Variants in TSPYL2 observed in about 807,000 individuals in gnomAD.
The protein encoded by TSPYL2 is TSPY like 2, also known as testis-specific Y-encoded-like protein 2.
TSPYL2 carries 9 observed loss-of-function variants against 33.0 expected under a neutral mutation model. That is an observed-to-expected ratio of 0.27 (90% confidence interval 0.16 to 0.48). The LOEUF (loss-of-function observed/expected upper bound fraction) is 0.48. Ranked by LOEUF, TSPYL2 falls within the 20% of genes least tolerant of loss-of-function variation. The pLI is 0.99. For synonymous variants in TSPYL2, 330 were observed against 233.6 expected (o/e 1.41, Z -3.77); for missense variants, 636 against 586.2 (o/e 1.08, Z -0.88).
In TSPYL2 at chrX:53,084,742, C is replaced by G. The variant is rs373640720; in HGVS notation, c.886-13C>G. 1.4e-4 allele frequency: 163 copies of G among 1,197,353 alleles called. No individual in the cohort carries two copies. Among genetic ancestry groups the G allele is most frequent in the Admixed American group, 2.4e-4 (11 of 45,446 alleles). ...GGGGGGACAGATTCCACCATCACCC[C>G]CACCTGGAGCAGGTACAGGATCTCA... On this transcript the variant is annotated splice_polypyrimidine_tract_variant and intron_variant, in intron 2 of 6. Transcript: ENST00000375442.
In TSPYL2 at chrX:53,087,658, AGTT is replaced by A; in HGVS notation, c.1919-115_1919-113del. The A allele has an allele frequency of 7.9e-6, 6 of 763,876 alleles. No individual in the cohort carries two copies. In the South Asian group the frequency reaches 1.1e-4, roughly 14 times the overall value. The allele number at this position is 763,876 out of a possible 1,213,427, so 63.0% of individuals were successfully genotyped here. On this transcript the variant is annotated intron_variant, in intron 6 of 6. Transcript: ENST00000375442. ...TTTGTTCCAAGCAGAGGCGCTGACA[AGTT>A]GTCCCAGGCCGCTAAAAACCCTGGC...
intron 6 of TSPYL2, 184 bp downstream of exon 6, chrX:53,086,494 C>A (rs1932767360): frequency 1.3e-5 from 6 of 467,617 alleles, no homozygotes; most frequent in Middle Eastern, 7.0e-4. Flanking sequence ...AACAAAACCC[C>A]AAAAAATCAT....
In TSPYL2 at chrX:53,086,326, C is replaced by CCG. The variant is rs782793051; in HGVS notation, c.1918+17_1918+18insGC. 2.6e-6 allele frequency: 3 copies of CCG among 1,150,840 alleles called. No homozygotes were observed. The highest frequency in any genetic ancestry group is 3.6e-5 in the South Asian group (2 of 55,083). 94.8% of individuals were successfully genotyped at this position (1,150,840 alleles called of 1,213,427 possible). On this transcript the variant is annotated intron_variant, in intron 6 of 6. Transcript: ENST00000375442. Reference sequence around the variant, plus strand: ...ATTGAGGAAGGTGAGCTAATCCCCCCCCACCCTTGTCTTCCCTCTTTTCTT... The same window carrying CCG: ...ATTGAGGAAGGTGAGCTAATCCCCCCCGCCACCCTTGTCTTCCCTCTTTTCTT...
At position 53,083,266 on chromosome X, in the gene TSPYL2, C is replaced by T. The variant is rs1343252351; in HGVS notation, c.768C>T (p.Asp256=). 4.1e-6 allele frequency: 5 copies of T among 1,208,004 alleles called. No homozygotes were observed. Among genetic ancestry groups the T allele is most frequent in the Admixed American group, 2.2e-5 (1 of 45,516 alleles). The change falls in exon 1 of 7, where the codon GAC becomes GAT. Residue 256 remains aspartate (D), a synonymous_variant. Coordinates refer to ENST00000375442, the MANE Select transcript of TSPYL2 (RefSeq NM_022117.4). The part of the protein sequence containing the change: ...QMRRPFLERR[D]LIIQHIPGFW... Reference sequence around the variant, plus strand: ...GAAGACCCTTCCTGGAGCGCAGAGACCTCATCATCCAGCATATCCCAGGCT... The same window carrying T: ...GAAGACCCTTCCTGGAGCGCAGAGATCTCATCATCCAGCATATCCCAGGCT...
chrX:53,087,948 C>T lies in TSPYL2; in HGVS notation c.*9C>T. The T allele has an allele frequency of 1.7e-6, 2 of 1,208,837 alleles. No individual in the cohort carries two copies. Among genetic ancestry groups the T allele is most frequent in the South Asian group, 1.8e-5 (1 of 56,802 alleles). On this transcript the variant is annotated 3_prime_UTR_variant, in exon 7 of 7. Transcript: ENST00000375442. ...GGGGGAAAACCGGATAAGGGTTTTC[C>T]CCTTTTGGGGATCACCTCTCTGTAT...
At position 53,084,742 on chromosome X, in the gene TSPYL2, C is replaced by T; in HGVS notation, c.886-13C>T. The T allele has an allele frequency of 8.3e-7, 1 of 1,199,799 alleles. No homozygotes were observed. The highest frequency in any genetic ancestry group is 1.1e-6 in the Non-Finnish European group (1 of 885,690). On this transcript the variant is annotated splice_polypyrimidine_tract_variant and intron_variant, in intron 2 of 6. Transcript: ENST00000375442. Reference sequence around the variant, plus strand: ...GGGGGGACAGATTCCACCATCACCCCCACCTGGAGCAGGTACAGGATCTCA... The same window carrying T: ...GGGGGGACAGATTCCACCATCACCCTCACCTGGAGCAGGTACAGGATCTCA...
rs781962409 is a variant in TSPYL2 at position 53,086,153 on chromosome X, T to G, written c.1761T>G (p.Asp587Glu). 21 of 1,201,039 alleles carry G rather than the reference T, an allele frequency of 1.7e-5. No homozygotes were observed. The highest frequency in any genetic ancestry group is 2.0e-5 in the Non-Finnish European group (18 of 890,499). Residue 587 changes from aspartate to glutamate, a missense_variant, in exon 6 of 7, where the codon GAT becomes GAG. Around this residue, in one of 3 missense-constraint regions of TSPYL2, gnomAD observed 401 missense variants for 363.0 expected, o/e 1.10. Transcript: ENST00000375442. Reference protein sequence around the residue: ...NEGDNEGSDDDGNEGDNEGSD... With the variant: ...NEGDNEGSDDEGNEGDNEGSD... Reference sequence around the variant, plus strand: ...GTGACAATGAGGGCAGTGATGATGATGGCAATGAAGGTGACAATGAAGGCA... The same window carrying G: ...GTGACAATGAGGGCAGTGATGATGAGGGCAATGAAGGTGACAATGAAGGCA...
rs1343091707 is a variant in TSPYL2 at position 53,087,996 on chromosome X, CCCT to C, written c.*65_*67del. ...TATCCCCCACCCACTATCCCATTTG[CCCT>C]CCTCCTCAGCTAGGGCCACGCGGCC... On this transcript the variant is annotated 3_prime_UTR_variant, in exon 7 of 7. Coordinates refer to ENST00000375442, the MANE Select transcript of TSPYL2 (RefSeq NM_022117.4). 7 of 1,139,102 alleles carry C rather than the reference CCCT, an allele frequency of 6.1e-6. No homozygotes were observed. Among genetic ancestry groups the C allele is most frequent in the African/African-American group, 5.4e-5 (3 of 55,792 alleles). The allele number at this position is 1,139,102 out of a possible 1,213,427, so 93.9% of individuals were successfully genotyped here. A position where few individuals can be genotyped will look rare whatever the true frequency, so the allele number is the denominator to read the frequency against.
intron 2 of TSPYL2, 39 bp from the exon 3 acceptor site, chrX:53,084,716 G>A (rs781945655): frequency 7.6e-6 from 9 of 1,183,013 alleles, no homozygotes; most frequent in Admixed American, 2.2e-5. Context: ...GGTGTGTTGG[G>A]GGGGGGACAG....
chrX:53,087,752 C>G, intron 6 of TSPYL2, 24 bp from the exon 7 acceptor site: 1 of 1,191,572 alleles, frequency 8.4e-7, no homozygotes, highest in South Asian at 1.8e-5. Context: ...TCCATTTCCC[C>G]TTCCTTGCTT....
chrX:53,088,120 G>A lies in TSPYL2; in HGVS notation c.*181G>A, dbSNP rs1266165239. 2 of 456,055 alleles carry A rather than the reference G, an allele frequency of 4.4e-6. No homozygotes were observed. Among genetic ancestry groups the A allele is most frequent in the Admixed American group, 4.0e-5 (1 of 24,716 alleles). 37.6% of individuals were successfully genotyped at this position (456,055 alleles called of 1,213,427 possible). On this transcript the variant is annotated 3_prime_UTR_variant, in exon 7 of 7. Transcript: ENST00000375442. ...TGCAGAGTTCTTATTTTGGGGGGAGGGAAAGGGGGCTAGTCCCCTTCTTTT... is the reference window on the plus strand; with the variant it reads ...TGCAGAGTTCTTATTTTGGGGGGAGAGAAAGGGGGCTAGTCCCCTTCTTTT...
At chrX:53,084,012 C>T (rs1039296508) in intron 1 of TSPYL2, among the ~76,000 whole-genome samples, 1 of 112,111 alleles carries the variant, frequency 8.9e-6, no homozygotes, top group African/African-American at 3.2e-5. Context: ...CCTTAGCCCT[C>T]ATATGAAACA....
intron 6 of TSPYL2, 88 bp from the exon 7 acceptor site, chrX:53,087,688 A>C (rs147033658): frequency 7.9e-6 from 8 of 1,014,750 alleles, no homozygotes; most frequent in Non-Finnish European, 1.1e-5. Context: ...AACCCTGGCT[A>C]TGGTCTCTGT....
chrX:53,082,553 G>T lies in TSPYL2; in HGVS notation c.55G>T (p.Glu19Ter). 1 of 1,156,843 alleles carries T rather than the reference G, an allele frequency of 8.6e-7. No homozygotes were observed. The change falls in exon 1 of 7, where the codon GAG becomes TAG. Residue 19 changes from glutamate to a stop codon, truncating the protein, a stop_gained. Transcript: ENST00000375442. LOFTEE classifies it high-confidence loss of function. Reference sequence around the variant, plus strand: ...CAAGACCCGCCGCCTGAGCAGCTCCGAGTCTCCACAGCGCGACCCGCCCCC... The same window carrying T: ...CAAGACCCGCCGCCTGAGCAGCTCCTAGTCTCCACAGCGCGACCCGCCCCC... Reference protein sequence around the residue: ...PAKTRRLSSSESPQRDPPPPP... With the variant: ...PAKTRRLSSS
intron 5 of TSPYL2, 138 bp downstream of exon 5, chrX:53,085,459 C>T: frequency 1.3e-6 from 1 of 750,799 alleles, no homozygotes; most frequent in African/African-American, 2.1e-5. Context: ...AAATCATGCC[C>T]AGAAATGGCT....
At chrX:53,085,541 C>T (rs782238680) in intron 5 of TSPYL2, 90 bp from the exon 6 acceptor site, 74 of 975,010 alleles carry the variant, frequency 7.6e-5, no homozygotes, top group Non-Finnish European at 1.0e-4. Context: ...CCCTTATAGC[C>T]TACTGCTTCC....
At position 53,086,007 on chromosome X, in the gene TSPYL2, T is replaced by TA; in HGVS notation, c.1616dup (p.Tyr539Ter). 3 of 1,178,612 alleles carry TA rather than the reference T, an allele frequency of 2.5e-6. No homozygotes were observed. The highest frequency in any genetic ancestry group is 3.4e-6 in the Non-Finnish European group (3 of 878,981). The change falls in exon 6 of 7, where the codon TAC becomes TAAC. Residue 539 changes from tyrosine to a stop codon, truncating the protein, a stop_gained and frameshift_variant. Coordinates refer to ENST00000375442, the MANE Select transcript of TSPYL2 (RefSeq NM_022117.4). LOFTEE classifies it high-confidence loss of function. ...GAACCCTAACAACAACGAGAACACT[T>TA]ACGGCAACAACTTCTTCAAAGGTGG... is the stretch of plus-strand genomic sequence containing the variant. Reference protein sequence around the residue: ...EENPNNNENTYGNNFFKGGFW... With the variant: ...EENPNNNENT
At position 53,086,246 on chromosome X, in the gene TSPYL2, T is replaced by C; in HGVS notation, c.1854T>C (p.Ala618=). ...TTGAAGACTTTGACAAGGATCAGGC[T>C]GACTACGAGGACGTGATAGAGATCA... The part of the protein sequence containing the change: ...KVIEDFDKDQ[A]DYEDVIEIIS... Residue 618 remains alanine (A), a synonymous_variant, in exon 6 of 7, where the codon GCT becomes GCC. Transcript: ENST00000375442. 8.3e-7 allele frequency: 1 copy of C among 1,211,570 alleles called. No individual in the cohort carries two copies. The highest frequency in any genetic ancestry group is 1.1e-6 in the Non-Finnish European group (1 of 895,497).
At chrX:53,084,929 T>C (rs1932726251) in intron 3 of TSPYL2, 25 bp from the exon 4 acceptor site, 1 of 1,206,844 alleles carries the variant, frequency 8.3e-7, no homozygotes, top group South Asian at 1.8e-5. Context: ...TTTTGTCCCA[T>C]CTCCATAGCC....
Sources: gnomAD v4.1 joint callset for allele counts (sites outside exome capture counted in the v4.1 genomes callset) on GRCh38, gnomAD v4.1.1 for gene constraint, gnomAD v4.1.1 regional missense constraint, MANE v1.5 for transcripts, NCBI Gene and HGNC (gene_info 2026-07-23, HGNC 2026-07-21) for gene names.